ANK3: variants seen among roughly 807,000 people sequenced by gnomAD.
ANK3 encodes ankyrin-3.
In ANK3, 57 loss-of-function variants were observed where a neutral mutation model predicts 370.9. The observed-to-expected ratio is 0.15, with a 90% confidence interval of 0.12 to 0.19. The LOEUF (loss-of-function observed/expected upper bound fraction) is 0.19, where lower values mean the gene tolerates loss of function less well. ANK3 is among the 10% of genes least tolerant of loss of function. The probability of loss-of-function intolerance (pLI) is 1.00; values close to 1 mark genes in which losing one functional copy is unlikely to be tolerated. For synonymous variants in ANK3, 1,929 were observed against 1,946.3 expected (o/e 0.99, Z 0.23); for missense variants, 4,439 against 5,302.1 (o/e 0.84, Z 5.06).
At chr10:60,455,348 G>A (rs1370456199) in intron 2 of ANK3, among the ~76,000 whole-genome samples, 1 of 152,136 alleles carries the variant, frequency 6.6e-6, no homozygotes, top group Non-Finnish European at 1.5e-5. Flanking sequence ...AAGAATAACA[G>A]TTCTCAATTT....
At chr10:60,341,007 T>C (rs2054161698) in intron 1 of ANK3, among the ~76,000 whole-genome samples, 1 of 152,162 alleles carries the variant, frequency 6.6e-6, no homozygotes, top group Non-Finnish European at 1.5e-5. Flanking sequence ...GTTATTTGAC[T>C]CCAGTGCAGA....
At chr10:60,394,048 C>T (rs1421333500), upstream of ANK3, among the ~76,000 whole-genome samples, 2 of 151,248 alleles carry the variant, frequency 1.3e-5, no homozygotes, top group Admixed American at 1.3e-4. Context: ...CGACTTCATG[C>T]TGCACCCACT....
chr10:60,687,902 T>C (rs2079292276), intron 1 of ANK3, among the ~76,000 whole-genome samples: 1 of 152,144 alleles, frequency 6.6e-6, no homozygotes, highest in East Asian at 1.9e-4. Flanking sequence ...AATTCTGCAA[T>C]AGGCAACAAC....
intron 4 of ANK3, among the ~76,000 whole-genome samples, chr10:60,273,891 C>G (rs1314504092): frequency 6.6e-6 from 1 of 152,190 alleles, no homozygotes; most frequent in Admixed American, 6.5e-5. Flanking sequence ...GATTGTGAGG[C>G]CTTCTCAGCC....
rs138832922 is a variant in ANK3 at position 60,586,208 on chromosome 10, C to T, written c.96+28978G>A. 4.2e-4 allele frequency among the ~76,000 whole-genome samples: 64 copies of T among 152,058 alleles called. No individual in the cohort carries two copies. The East Asian group carries it at 0.011, about 26-fold the overall frequency. On this transcript the variant is annotated intron_variant, in intron 2 of 43. Transcript: ENST00000373827. ...CTTCAATAATCACTTTAAATGTGAACGTGGATGAAAATGGATAAGAAAGAA... is the reference window on the plus strand; with the variant it reads ...CTTCAATAATCACTTTAAATGTGAATGTGGATGAAAATGGATAAGAAAGAA...
chr10:60,484,000 T>A (rs1003420836), intron 2 of ANK3, among the ~76,000 whole-genome samples: 1 of 152,178 alleles, frequency 6.6e-6, no homozygotes, highest in Non-Finnish European at 1.5e-5. Context: ...AGCCTGGACT[T>A]CCACCTTCTG....
At chr10:60,300,035 C>T (rs1400189601) in intron 1 of ANK3, among the ~76,000 whole-genome samples, 1 of 152,126 alleles carries the variant, frequency 6.6e-6, no homozygotes, top group Non-Finnish European at 1.5e-5. Context: ...CTCCTAATCG[C>T]CCCCTGTCTT....
At chr10:60,431,459 TCTC>T (rs1320566717) in intron 2 of ANK3, among the ~76,000 whole-genome samples, 1 of 152,142 alleles carries the variant, frequency 6.6e-6, no homozygotes, top group African/African-American at 2.4e-5. Context: ...CAACTGCTCA[TCTC>T]CTGCTGTGCA....
intron 8 of ANK3, among the ~76,000 whole-genome samples, chr10:60,218,206 G>A (rs2096978209): frequency 6.7e-6 from 1 of 150,336 alleles, no homozygotes; most frequent in African/African-American, 2.5e-5. Context: ...CCTGAATAGA[G>A]CACACTGATG....
At chr10:60,687,504 G>A (rs907607166) in intron 1 of ANK3, among the ~76,000 whole-genome samples, 6 of 150,392 alleles carry the variant, frequency 4.0e-5, no homozygotes, top group South Asian at 2.1e-4. Context: ...ATGAGATACC[G>A]CCTCACATGC....
At chr10:60,322,791 C>A (rs541585725) in intron 1 of ANK3, among the ~76,000 whole-genome samples, 1 of 149,688 alleles carries the variant, frequency 6.7e-6, no homozygotes, top group African/African-American at 2.4e-5. Context: ...AGGGTGAAAA[C>A]CTATGGGGGG....
intron 1 of ANK3, among the ~76,000 whole-genome samples, chr10:60,653,433 C>T (rs1352842279): frequency 6.6e-6 from 1 of 151,926 alleles, no homozygotes; most frequent in African/African-American, 2.4e-5. Flanking sequence ...ATTAAATTGC[C>T]TTGATATTTT....
chr10:60,693,537 A>G (rs925059091), intron 1 of ANK3, among the ~76,000 whole-genome samples: 1 of 152,246 alleles, frequency 6.6e-6, no homozygotes, highest in African/African-American at 2.4e-5. Flanking sequence ...TTCTCCCAGT[A>G]TGCAGCTGGA....
intron 2 of ANK3, among the ~76,000 whole-genome samples, chr10:60,607,838 C>G (rs1482061308): frequency 6.6e-6 from 1 of 152,044 alleles, no homozygotes; most frequent in Non-Finnish European, 1.5e-5. Flanking sequence ...GAGGCTGTAC[C>G]CAAAAACCAG....
intron 28 of ANK3, among the ~76,000 whole-genome samples, chr10:60,101,736 T>C (rs988490788): frequency 2.0e-5 from 3 of 152,212 alleles, no homozygotes; most frequent in African/African-American, 7.2e-5. Flanking sequence ...GATATTTCAG[T>C]CCCTGGGCTT....
chr10:60,405,817 A>G (rs1014206626), intron 2 of ANK3, among the ~76,000 whole-genome samples: 6 of 152,218 alleles, frequency 3.9e-5, no homozygotes, highest in African/African-American at 1.2e-4. Context: ...AAATACAGCA[A>G]AATGTTAATC....
chr10:60,566,738 T>G (rs1381338550), intron 2 of ANK3, among the ~76,000 whole-genome samples: 1 of 152,176 alleles, frequency 6.6e-6, no homozygotes, highest in East Asian at 1.9e-4. Context: ...TAGCCAGTTG[T>G]GGTGGAGCAC....
At chr10:60,401,007 A>G (rs1042491719) in intron 2 of ANK3, among the ~76,000 whole-genome samples, 2 of 151,902 alleles carry the variant, frequency 1.3e-5, no homozygotes, top group Admixed American at 1.3e-4. Flanking sequence ...TTTTCTGTAA[A>G]AGCCATTTTT....
intron 2 of ANK3, chr10:60,507,445 C>T (rs1483657567): frequency 6.6e-6 from 1 of 151,890 alleles, no homozygotes; most frequent in Non-Finnish European, 1.5e-5. Context: ...ACATTTATCC[C>T]AGATGAAGCT....
Sources: gnomAD v4.1 joint callset for allele counts (sites outside exome capture counted in the v4.1 genomes callset) on GRCh38, gnomAD v4.1.1 for gene constraint, MANE v1.5 for transcripts, NCBI Gene and HGNC (gene_info 2026-07-23, HGNC 2026-07-21) for gene names.